ANK3: variants seen among roughly 807,000 people sequenced by gnomAD.
ANK3 encodes the protein ankyrin-3.
In ANK3, 57 loss-of-function variants were observed where a neutral mutation model predicts 370.9. That is an observed-to-expected ratio of 0.15 (90% CI 0.12 to 0.19). ANK3 has a LOEUF of 0.19. Ranked by LOEUF, ANK3 falls within the 10% of genes least tolerant of loss-of-function variation. ANK3 has a pLI of 1.00. For synonymous variants in ANK3, 1,929 were observed against 1,946.3 expected, an observed-to-expected ratio of 0.99 and a Z score of 0.23; for missense variants, 4,439 against 5,302.1, an observed-to-expected ratio of 0.84 and a Z score of 5.06.
intron 41 of ANK3, 92 bp from the exon 42 acceptor site, chr10:60,056,128 C>G: frequency 2.8e-6 from 4 of 1,425,654 alleles, no homozygotes; most frequent in Non-Finnish European, 3.7e-6. Context: ...TGTCTTTTGC[C>G]TACTTCTGAA....
At chr10:60,247,565 C>G (rs61273266) in intron 7 of ANK3, among the ~76,000 whole-genome samples, 1 of 152,102 alleles carries the variant, frequency 6.6e-6, no homozygotes. Flanking sequence ...CTTTTGTCTC[C>G]GAATCTGACT....
intron 18 of ANK3, among the ~76,000 whole-genome samples, chr10:60,176,608 A>G (rs147559160): frequency 6.6e-6 from 1 of 151,968 alleles, no homozygotes; most frequent in Non-Finnish European, 1.5e-5. Context: ...CTAAAAATAC[A>G]AAAAATTAGC....
At chr10:60,555,026 C>A (rs1010091464) in intron 2 of ANK3, among the ~76,000 whole-genome samples, 3 of 151,632 alleles carry the variant, frequency 2.0e-5, no homozygotes, top group Non-Finnish European at 4.4e-5. Flanking sequence ...AACCAGAGTA[C>A]AAAATTCTTA....
chr10:60,628,555 C>T (rs565089275), intron 1 of ANK3, among the ~76,000 whole-genome samples: 4 of 152,240 alleles, frequency 2.6e-5, no homozygotes, highest in East Asian at 1.9e-4. Flanking sequence ...ACATGTCCCA[C>T]GGGAAACCCC....
chr10:60,141,024 C>G (rs16914794), intron 23 of ANK3: 56,678 of 984,980 alleles, frequency 0.058, 2,011 homozygotes, highest in East Asian at 0.22. Context: ...GCTGGGAACA[C>G]TGGGAGCCTC....
intron 1 of ANK3, among the ~76,000 whole-genome samples, chr10:60,355,672 G>A (rs1189239760): frequency 6.6e-6 from 1 of 152,132 alleles, no homozygotes; most frequent in Non-Finnish European, 1.5e-5. Context: ...CACCTCCACG[G>A]TCATAGTGCA....
chr10:60,196,598 C>T lies in ANK3; in HGVS notation c.1717G>A (p.Ala573Thr). 2 of 1,608,678 alleles carry T rather than the reference C, an allele frequency of 1.2e-6. No individual in the cohort carries two copies. Among genetic ancestry groups the T allele is most frequent in the Non-Finnish European group, 1.7e-6 (2 of 1,177,638 alleles). Residue 573 changes from alanine to threonine, a missense_variant, in exon 15 of 44, where the codon GCA (alanine) becomes ACA (threonine). Around this residue, in one of 13 missense-constraint regions of ANK3, gnomAD observed 192 missense variants for 192.1 expected, o/e 1.00. Coordinates refer to ENST00000280772, the MANE Select transcript of ANK3 (RefSeq NM_020987.5). ...GCGACTTCAAGCTTTCCATATTTTGCTGCCACATGAAGAGGAGTAAATCCT... is the reference window on the plus strand; with the variant it reads ...GCGACTTCAAGCTTTCCATATTTTGTTGCCACATGAAGAGGAGTAAATCCT... ...KKGFTPLHVA[A>T]KYGKLEVANL...
At chr10:60,382,999 T>C (rs936952530) in intron 1 of ANK3, among the ~76,000 whole-genome samples, 2 of 152,094 alleles carry the variant, frequency 1.3e-5, no homozygotes, top group South Asian at 2.1e-4. Flanking sequence ...AAAGTGATAA[T>C]TTTTTTCTTG....
At chr10:60,444,580 G>C (rs1291214563) in intron 2 of ANK3, among the ~76,000 whole-genome samples, 1 of 151,876 alleles carries the variant, frequency 6.6e-6, no homozygotes, top group African/African-American at 2.4e-5. Context: ...TTTAATTCCA[G>C]CCATAAATCC....
intron 1 of ANK3, among the ~76,000 whole-genome samples, chr10:60,346,629 G>A (rs1024111657): frequency 1.5e-4 from 11 of 73,694 alleles, no homozygotes; most frequent in African/African-American, 3.6e-4. Context: ...TGCAGGGGAT[G>A]GGGGCAATTC....
At chr10:60,093,861 A>G (rs1311388997) in intron 28 of ANK3, among the ~76,000 whole-genome samples, 1 of 152,196 alleles carries the variant, frequency 6.6e-6, no homozygotes, top group Non-Finnish European at 1.5e-5. Flanking sequence ...CTCCACATTC[A>G]AATTCTGACA....
intron 21 of ANK3, among the ~76,000 whole-genome samples, chr10:60,170,638 T>C (rs539179334): frequency 6.1e-4 from 93 of 152,288 alleles, no homozygotes; most frequent in African/African-American, 2.1e-3. Context: ...TCTTCTCTCT[T>C]TTGCAGAAAG....
At position 60,260,568 on chromosome 10, in the gene ANK3, C is replaced by T. The variant is rs185465404; in HGVS notation, c.798+1291G>A. ...TCCCCACCCAAATCTCACGTTGAAA[C>T]GTAGTGTCCCATGTTGGAGGTGCAG... On this transcript the variant is annotated intron_variant, in intron 7 of 43. Transcript: ENST00000280772. Among the ~76,000 whole-genome samples, 40 of 152,216 alleles carry T rather than the reference C, an allele frequency of 2.6e-4. No individual in the cohort carries two copies. The East Asian group carries it at 6.0e-3, about 23-fold the overall frequency.
At chr10:60,694,572 A>G (rs1334391890) in intron 1 of ANK3, among the ~76,000 whole-genome samples, 5 of 152,172 alleles carry the variant, frequency 3.3e-5, no homozygotes, top group African/African-American at 1.2e-4. Context: ...TACAAGCCAG[A>G]AGAGAGTGGG....
rs577983384 is a variant in ANK3 at position 60,068,972 on chromosome 10, G to T, written c.11909C>A (p.Thr3970Asn). 1 of 1,613,632 alleles carries T rather than the reference G, an allele frequency of 6.2e-7. No homozygotes were observed. The highest frequency in any genetic ancestry group is 1.7e-5 in the Admixed American group (1 of 59,966). ...TTTTTTATTT[T>N]TTTTTTTTSC... ...GGTGGTGGTGGTAGTGGTGGTAGTG[G>T]TGGTGGTGGTGGCAGTGGTGGTGGT... Residue 3970 changes from threonine to asparagine, a missense_variant, in exon 37 of 44, where the codon ACC becomes AAC. By Grantham distance (65) the Thr-to-Asn change is moderately conservative. This residue lies in a region of ANK3 where 496 missense variants were observed against 529.3 expected (regional missense o/e 0.94). Transcript: ENST00000280772.
intron 1 of ANK3, among the ~76,000 whole-genome samples, chr10:60,646,666 T>A (rs1332881106): frequency 6.6e-6 from 1 of 152,114 alleles, no homozygotes; most frequent in Non-Finnish European, 1.5e-5. Flanking sequence ...AAAAGAAGGA[T>A]GTCAGAGATT....
At chr10:60,720,247 T>C (rs1006649688) in intron 1 of ANK3, among the ~76,000 whole-genome samples, 6 of 152,230 alleles carry the variant, frequency 3.9e-5, no homozygotes, top group Admixed American at 6.5e-5. Flanking sequence ...ATGGTAGCTA[T>C]GTGCGAGACA....
chr10:60,605,649 T>C (rs947866537), intron 2 of ANK3, among the ~76,000 whole-genome samples: 3 of 152,104 alleles, frequency 2.0e-5, no homozygotes, highest in African/African-American at 7.2e-5. Flanking sequence ...AATGGGAGCA[T>C]GTGGTCTCTT....
chr10:60,214,458 G>A (rs1157059865), intron 8 of ANK3, among the ~76,000 whole-genome samples: 2 of 152,010 alleles, frequency 1.3e-5, no homozygotes, highest in East Asian at 1.9e-4. Flanking sequence ...AGGTACATGT[G>A]TGCCATGGTG....
Sources: allele counts gnomAD v4.1 joint callset (sites outside exome capture counted in the v4.1 genomes callset), GRCh38; gene constraint gnomAD v4.1.1; regional missense constraint gnomAD v4.1.1; transcripts MANE v1.5; gene names NCBI Gene and HGNC (gene_info 2026-07-23, HGNC 2026-07-21).